Variants in SMOC2 observed in about 807,000 individuals in gnomAD.
SMOC2 encodes the protein SPARC related modular calcium binding 2.
Under a neutral mutation model 61.4 loss-of-function variants are expected in SMOC2, and 39 were observed. The observed-to-expected ratio is 0.64, with a 90% CI of 0.49 to 0.83. The LOEUF (loss-of-function observed/expected upper bound fraction) is 0.83. SMOC2 is among the 40% of genes least tolerant of loss of function. The probability of loss-of-function intolerance (pLI) is 0.00; values close to 1 mark genes in which losing one functional copy is unlikely to be tolerated. For missense variants in SMOC2, 556 were observed against 592.9 expected, an observed-to-expected ratio of 0.94 and a Z score of 0.65; for synonymous variants, 247 against 239.9, an observed-to-expected ratio of 1.03 and a Z score of -0.27.
rs370238504 is a variant in SMOC2 at position 168,602,071 on chromosome 6, A to G, written c.824+3067A>G. 1.8e-4 allele frequency among the ~76,000 whole-genome samples: 28 copies of G among 152,314 alleles called. No homozygotes were observed. In the East Asian group the frequency reaches 5.0e-3, roughly 27 times the overall value. On this transcript the variant is annotated intron_variant, in intron 8 of 12. Coordinates refer to ENST00000356284, the MANE Select transcript of SMOC2 (RefSeq NM_001166412.2). ...TCAGCACAAATACTGATTATCAACA[A>G]CATTCAAACCCTCTTTCAGGGACTG... is the stretch of plus-strand genomic sequence containing the variant.
chr6:168,547,365 CA>C (rs1410546004), intron 6 of SMOC2, among the ~76,000 whole-genome samples, 196 bp downstream of exon 6: 19 of 151,128 alleles, frequency 1.3e-4, no homozygotes, highest in African/African-American at 4.6e-4. Flanking sequence ...AACAAAACTC[CA>C]ATAGTGAGGA....
chr6:168,520,065 G>A (rs181654100), intron 2 of SMOC2, among the ~76,000 whole-genome samples: 2 of 152,290 alleles, frequency 1.3e-5, no homozygotes, highest in East Asian at 3.9e-4. Flanking sequence ...GGGAAGGTTG[G>A]ACGGATGCGC....
chr6:168,564,937 T>C (rs1258125416), intron 7 of SMOC2, among the ~76,000 whole-genome samples: 1 of 152,240 alleles, frequency 6.6e-6, no homozygotes, highest in African/African-American at 2.4e-5. Flanking sequence ...TTTCCTTCAG[T>C]CTTGAACATG....
At chr6:168,625,226 C>T (rs1489595666) in intron 9 of SMOC2, among the ~76,000 whole-genome samples, 4 of 152,348 alleles carry the variant, frequency 2.6e-5, no homozygotes, top group African/African-American at 9.6e-5. Flanking sequence ...CGCATCTGCT[C>T]AGGCACTGGA....
At chr6:168,601,769 G>A (rs112551783) in intron 8 of SMOC2, among the ~76,000 whole-genome samples, 1,534 of 152,226 alleles carry the variant, frequency 0.01, 25 homozygotes, top group African/African-American at 0.033. Flanking sequence ...CATTTACTAC[G>A]CTGTGCCTGA....
intron 7 of SMOC2, among the ~76,000 whole-genome samples, chr6:168,574,587 A>G (rs1014789178): frequency 3.3e-5 from 5 of 152,122 alleles, no homozygotes; most frequent in African/African-American, 9.7e-5. Flanking sequence ...ACGTCTGCAG[A>G]TGTGTTTAGA....
At chr6:168,658,532 C>T (rs1356140587) in intron 11 of SMOC2, among the ~76,000 whole-genome samples, 1 of 151,970 alleles carries the variant, frequency 6.6e-6, no homozygotes, top group Non-Finnish European at 1.5e-5. Context: ...TGGCTTCTGC[C>T]CTCCTCAGCC....
chr6:168,488,219 C>T (rs754805230), intron 1 of SMOC2, among the ~76,000 whole-genome samples: 4 of 152,226 alleles, frequency 2.6e-5, no homozygotes, highest in African/African-American at 7.2e-5. Flanking sequence ...CTGGTGCCTC[C>T]GGCACTCCTT....
chr6:168,571,922 AC>A (rs1784679151), intron 7 of SMOC2, among the ~76,000 whole-genome samples: 2 of 41,170 alleles, frequency 4.9e-5, no homozygotes, highest in African/African-American at 1.6e-4. Flanking sequence ...CGCGATGTTC[AC>A]TTCCTCCCCG....
intron 9 of SMOC2, among the ~76,000 whole-genome samples, chr6:168,630,457 T>G (rs1359079452): frequency 6.6e-6 from 1 of 152,262 alleles, no homozygotes; most frequent in Admixed American, 6.5e-5. Context: ...CTGTCTTTAC[T>G]TTAATCTCTT....
intron 9 of SMOC2, among the ~76,000 whole-genome samples, chr6:168,613,705 C>T (rs1466212501): frequency 1.5e-5 from 2 of 129,208 alleles, no homozygotes; most frequent in Non-Finnish European, 3.3e-5. Flanking sequence ...ACACCTACAG[C>T]CAGCACAGGG....
intron 2 of SMOC2, among the ~76,000 whole-genome samples, chr6:168,510,759 T>G (rs147016663): frequency 4.6e-5 from 7 of 152,322 alleles, no homozygotes; most frequent in Non-Finnish European, 7.4e-5. Flanking sequence ...CAGCACTGAG[T>G]GCAGTGTCTA....
chr6:168,656,297 G>A (rs1973981), intron 11 of SMOC2, among the ~76,000 whole-genome samples: 14,545 of 151,846 alleles, frequency 0.096, 1,117 homozygotes, highest in East Asian at 0.42. Flanking sequence ...GATCACCTGC[G>A]GTCAGAAGTT....
chr6:168,508,495 A>G (rs1240297111), intron 1 of SMOC2, among the ~76,000 whole-genome samples: 2 of 152,230 alleles, frequency 1.3e-5, no homozygotes, highest in Non-Finnish European at 2.9e-5. Context: ...CCGCAGCCAC[A>G]GAGGGGTACA....
rs181461354 is a variant in SMOC2, at chr6:168,532,268, G to A, written c.463+4541G>A. Among the ~76,000 whole-genome samples, 938 of 152,310 alleles carry A rather than the reference G, an allele frequency of 6.2e-3. 2 individuals are homozygous for A. The highest frequency in any genetic ancestry group is 0.011 in the Non-Finnish European group (716 of 68,028). ...GTGCCCTGCTGCCCCGGTGTTCAAGGAAGGCACAGTAAAGGGCAGGGTTCA... is the reference window on the plus strand; with the variant it reads ...GTGCCCTGCTGCCCCGGTGTTCAAGAAAGGCACAGTAAAGGGCAGGGTTCA... On this transcript the variant is annotated intron_variant, in intron 4 of 12. Transcript: ENST00000356284.
chr6:168,631,779 G>C (rs765363277), intron 9 of SMOC2, among the ~76,000 whole-genome samples: 1 of 152,152 alleles, frequency 6.6e-6, no homozygotes, highest in Non-Finnish European at 1.5e-5. Context: ...AAGGAGGATG[G>C]AGTTTCCCAT....
chr6:168,527,844 T>G, intron 4 of SMOC2, 117 bp downstream of exon 4: 1 of 728,764 alleles, frequency 1.4e-6, no homozygotes, highest in Non-Finnish European at 2.4e-6. Flanking sequence ...TTGGCCGGCA[T>G]TGTGAGCCAC....
At chr6:168,577,810 T>C (rs7751540) in intron 7 of SMOC2, among the ~76,000 whole-genome samples, 69,170 of 152,008 alleles carry the variant, frequency 0.46, 16,192 homozygotes, top group African/African-American at 0.57. Context: ...GCATGGGGCC[T>C]GGAGGTGGCC....
intron 1 of SMOC2, among the ~76,000 whole-genome samples, chr6:168,496,778 G>A (rs1436177282): frequency 6.6e-6 from 1 of 152,350 alleles, no homozygotes; most frequent in African/African-American, 2.4e-5. Context: ...CTTCTGAGTG[G>A]GGTGTGATGG....
Sources: allele counts gnomAD v4.1 joint callset (sites outside exome capture counted in the v4.1 genomes callset), GRCh38; gene constraint gnomAD v4.1.1; transcripts MANE v1.5; gene names NCBI Gene and HGNC (gene_info 2026-07-23, HGNC 2026-07-21).